Variants in FGD4 observed in about 807,000 individuals in gnomAD.
FGD4 encodes the protein FYVE, RhoGEF and PH domain-containing protein 4.
In FGD4, 42 loss-of-function variants were observed where a neutral mutation model predicts 102.0. The ratio of observed to expected loss-of-function variants is 0.41; its 90% CI spans 0.32 to 0.53. The LOEUF (loss-of-function observed/expected upper bound fraction) is 0.53, where lower values mean the gene tolerates loss of function less well. Among genes scored for constraint, FGD4 ranks in the 20% least tolerant of loss-of-function variants. The pLI is 0.21. For synonymous variants in FGD4, 380 were observed against 375.7 expected, an observed-to-expected ratio of 1.01 and a Z score of -0.13; for missense variants, 902 against 1,078.2, an observed-to-expected ratio of 0.84 and a Z score of 2.29.
intron 7 of FGD4, among the ~76,000 whole-genome samples, chr12:32,602,969 T>A (rs974428609): frequency 4.6e-5 from 7 of 152,228 alleles, no homozygotes; most frequent in Non-Finnish European, 1.0e-4. Context: ...TTTGAGTTAT[T>A]TTCCAGTGGT....
intron 1 of FGD4, among the ~76,000 whole-genome samples, chr12:32,431,740 T>C (rs947266775): frequency 4.6e-5 from 7 of 151,186 alleles, no homozygotes; most frequent in African/African-American, 1.7e-4. Flanking sequence ...GCCACTGCAC[T>C]CCAGCCTGCG....
At chr12:32,634,387 TTACTA>T (rs1184834360) in intron 15 of FGD4, among the ~76,000 whole-genome samples, 2 of 152,190 alleles carry the variant, frequency 1.3e-5, no homozygotes, top group Non-Finnish European at 2.9e-5. Context: ...AATATCTAGT[TTACTA>T]TAGTCATTTA....
intron 4 of FGD4, among the ~76,000 whole-genome samples, chr12:32,595,205 G>A (rs764233131): frequency 6.6e-6 from 1 of 151,914 alleles, no homozygotes; most frequent in Non-Finnish European, 1.5e-5. Flanking sequence ...AGGATGGAAA[G>A]TCACATTTTT....
rs541836660 is a variant in FGD4, at chr12:32,637,510, G to A, written c.2314-1145G>A. On this transcript the variant is annotated intron_variant, in intron 15 of 16. Coordinates refer to ENST00000534526, the MANE Select transcript of FGD4 (RefSeq NM_001370298.3). Reference sequence around the variant, plus strand: ...ACTCAGGAGGCTGAGGCAGGAGAATGGTGAGAACCTGGGAGGTGGAGCTTG... The same window carrying A: ...ACTCAGGAGGCTGAGGCAGGAGAATAGTGAGAACCTGGGAGGTGGAGCTTG... 4 of 152,162 alleles carry A rather than the reference G, an allele frequency of 2.6e-5. No homozygotes were observed. The East Asian group carries it at 7.9e-4, about 30-fold the overall frequency. 9.4% of individuals were successfully genotyped at this position (152,162 alleles called of 1,614,324 possible).
intron 4 of FGD4, among the ~76,000 whole-genome samples, chr12:32,585,379 A>G (rs995480234): frequency 1.3e-5 from 2 of 151,758 alleles, no homozygotes; most frequent in Admixed American, 1.3e-4. Context: ...TGTGAAAAAA[A>G]TTGAACTGTT....
intron 1 of FGD4, among the ~76,000 whole-genome samples, chr12:32,562,063 CTT>C (rs1366274639): frequency 2.0e-5 from 3 of 152,116 alleles, no homozygotes; most frequent in African/African-American, 7.2e-5. Context: ...CTTCTAGAGT[CTT>C]TAGGTCAGCT....
chr12:32,625,080 TA>T lies in FGD4; in HGVS notation c.2046+15del. On this transcript the variant is annotated intron_variant, in intron 13 of 16. Transcript: ENST00000534526. ...ACTCAGAGGTTTCTGTGAGTTGAATTAAATTCTTAACTTCAACCTCTTTCAT... is the reference window on the plus strand; with the variant it reads ...ACTCAGAGGTTTCTGTGAGTTGAATTAATTCTTAACTTCAACCTCTTTCAT... 6.2e-7 allele frequency: 1 copy of T among 1,603,346 alleles called. No individual in the cohort carries two copies. The highest frequency in any genetic ancestry group is 8.5e-7 in the Non-Finnish European group (1 of 1,171,142).
chr12:32,541,900 A>G (rs1281502120), intron 1 of FGD4, among the ~76,000 whole-genome samples: 2 of 152,108 alleles, frequency 1.3e-5, no homozygotes, highest in Non-Finnish European at 2.9e-5. Flanking sequence ...CAAAATAATC[A>G]TGTCAAAAAT....
At chr12:32,589,690 C>A (rs1381700254) in intron 4 of FGD4, among the ~76,000 whole-genome samples, 1 of 152,146 alleles carries the variant, frequency 6.6e-6, no homozygotes, top group East Asian at 1.9e-4. Context: ...GTGCAAGTAA[C>A]CAAACTTTTT....
intron 12 of FGD4, 195 bp downstream of exon 12, chr12:32,624,647 T>C: frequency 1.5e-6 from 1 of 686,054 alleles, no homozygotes; most frequent in Non-Finnish European, 2.6e-6. Context: ...ATTTTTTTTT[T>C]GTATTTCGTA....
At chr12:32,442,413 T>C (rs2136457713) in intron 1 of FGD4, among the ~76,000 whole-genome samples, 1 of 152,264 alleles carries the variant, frequency 6.6e-6, no homozygotes, top group Non-Finnish European at 1.5e-5. Context: ...TAAAACCAGG[T>C]ACTGTGAGTG....
intron 1 of FGD4, among the ~76,000 whole-genome samples, chr12:32,518,295 A>G (rs1940110271): frequency 6.6e-6 from 1 of 152,168 alleles, no homozygotes; most frequent in Non-Finnish European, 1.5e-5. Context: ...CCTGACCAAC[A>G]CGGAGAAACC....
chr12:32,473,263 C>T (rs1342967075), intron 1 of FGD4, among the ~76,000 whole-genome samples: 1 of 151,876 alleles, frequency 6.6e-6, no homozygotes, highest in East Asian at 1.9e-4. Context: ...TGTCCCCTTC[C>T]ACACTGTGGA....
intron 3 of FGD4, among the ~76,000 whole-genome samples, chr12:32,577,184 T>C (rs1335831069): frequency 6.6e-6 from 1 of 151,878 alleles, no homozygotes; most frequent in African/African-American, 2.4e-5. Flanking sequence ...TTATTTTTTC[T>C]TAGTCTTTTG....
At chr12:32,424,223 C>T (rs1285982337) in intron 1 of FGD4, among the ~76,000 whole-genome samples, 1 of 152,052 alleles carries the variant, frequency 6.6e-6, no homozygotes, top group East Asian at 1.9e-4. Context: ...TCCCCTAGCC[C>T]CCAACCCCCT....
At chr12:32,514,669 G>T (rs1939717603) in intron 1 of FGD4, among the ~76,000 whole-genome samples, 1 of 151,622 alleles carries the variant, frequency 6.6e-6, no homozygotes, top group East Asian at 1.9e-4. Flanking sequence ...ACACCATCAT[G>T]CCTAGCTAAT....
chr12:32,513,601 T>A (rs1215224994), intron 1 of FGD4, among the ~76,000 whole-genome samples: 2 of 152,188 alleles, frequency 1.3e-5, no homozygotes, highest in Admixed American at 1.3e-4. Flanking sequence ...ATGAGTCCTC[T>A]GAATTAAGAC....
Position 32,438,934 on chromosome 12 carries a change from C to T in FGD4, c.166+38975C>T, listed in dbSNP as rs371400947. Reference sequence around the variant, plus strand: ...TACAACATGTTTTAAAATATGAATACGTTGTGGAATGATTCGATCGATTTG... The same window carrying T: ...TACAACATGTTTTAAAATATGAATATGTTGTGGAATGATTCGATCGATTTG... On this transcript the variant is annotated intron_variant, in intron 1 of 16. Coordinates refer to ENST00000534526, the MANE Select transcript of FGD4 (RefSeq NM_001370298.3). Among the ~76,000 whole-genome samples the T allele has an allele frequency of 7.2e-5, 11 of 152,230 alleles. No individual in the cohort carries two copies. In the South Asian group the frequency reaches 1.5e-3, roughly 20 times the overall value.
At chr12:32,485,292 A>G (rs1187248852) in intron 1 of FGD4, among the ~76,000 whole-genome samples, 2 of 152,158 alleles carry the variant, frequency 1.3e-5, no homozygotes, top group East Asian at 1.9e-4. Context: ...CCGCATAACC[A>G]TTCCTGGAAA....
Sources: gnomAD v4.1 joint callset for allele counts (sites outside exome capture counted in the v4.1 genomes callset) on GRCh38, gnomAD v4.1.1 for gene constraint, MANE v1.5 for transcripts, NCBI Gene and HGNC (gene_info 2026-07-23, HGNC 2026-07-21) for gene names.